DYM: variants seen among roughly 807,000 people sequenced by gnomAD.
The protein encoded by DYM is dymeclin.
DYM carries 78 observed loss-of-function variants against 93.1 expected under a neutral mutation model. That is an observed-to-expected ratio of 0.84 (90% CI 0.70 to 1.01). DYM has a LOEUF of 1.01. Among genes scored for constraint, DYM ranks in the 50% least tolerant of loss-of-function variants. DYM has a pLI of 0.00. For missense variants in DYM, 789 were observed against 845.0 expected, an observed-to-expected ratio of 0.93 and a Z score of 0.82; for synonymous variants, 321 against 319.7, an observed-to-expected ratio of 1.00 and a Z score of -0.04.
intron 14 of DYM, among the ~76,000 whole-genome samples, chr18:49,179,566 T>C (rs907641333): frequency 6.6e-6 from 1 of 152,152 alleles, no homozygotes; most frequent in African/African-American, 2.4e-5. Context: ...ATGATGATGA[T>C]GATGATGACA....
intron 5 of DYM, among the ~76,000 whole-genome samples, chr18:49,376,771 T>C (rs1402407424): frequency 1.3e-5 from 2 of 152,234 alleles, no homozygotes; most frequent in African/African-American, 2.4e-5. Flanking sequence ...GTTAAAATGT[T>C]AGAAGATGGT....
At chr18:49,053,851 C>A (rs925823656) in intron 17 of DYM, among the ~76,000 whole-genome samples, 1 of 152,112 alleles carries the variant, frequency 6.6e-6, no homozygotes, top group Non-Finnish European at 1.5e-5. Flanking sequence ...ATTTGCTTGG[C>A]TGTAGAGGAA....
intron 1 of DYM, among the ~76,000 whole-genome samples, chr18:49,441,261 ATTATATAATATATATTATATAATT>A (rs2081532902): frequency 2.7e-5 from 1 of 36,438 alleles, no homozygotes. Flanking sequence ...GTTATATATA[ATTATATAATATATATTATATAATT>A]ATATATAATA....
chr18:49,403,582 T>A (rs2071095136), intron 2 of DYM, among the ~76,000 whole-genome samples: 1 of 151,948 alleles, frequency 6.6e-6, no homozygotes, highest in Non-Finnish European at 1.5e-5. Context: ...AGGTTTTTTA[T>A]TTTTTTTAAA....
At chr18:49,369,257 A>T (rs946086034) in intron 5 of DYM, among the ~76,000 whole-genome samples, 1 of 152,208 alleles carries the variant, frequency 6.6e-6, no homozygotes, top group African/African-American at 2.4e-5. Context: ...CCCTCGTCTC[A>T]GTAGGCCACC....
chr18:49,355,043 C>T (rs1345048081), intron 6 of DYM, among the ~76,000 whole-genome samples: 1 of 149,340 alleles, frequency 6.7e-6, no homozygotes, highest in African/African-American at 2.5e-5. Flanking sequence ...TATGATATGA[C>T]AATGATAGAT....
intron 10 of DYM, among the ~76,000 whole-genome samples, chr18:49,274,607 T>C (rs1353166691): frequency 6.6e-6 from 1 of 152,152 alleles, no homozygotes; most frequent in Non-Finnish European, 1.5e-5. Context: ...CCACCAACAG[T>C]GTATGAGAGA....
At chr18:49,386,800 A>C (rs928222210) in intron 3 of DYM, among the ~76,000 whole-genome samples, 1 of 152,172 alleles carries the variant, frequency 6.6e-6, no homozygotes, top group Non-Finnish European at 1.5e-5. Flanking sequence ...TGCTTCAAAG[A>C]CATGGCATTT....
rs2070913599 is a variant in DYM at position 49,041,387 on chromosome 18, C to T, written c.*2668G>A. On this transcript the variant is annotated 3_prime_UTR_variant, in exon 18 of 18. Transcript: ENST00000675505. ...AGATGCCAATTTCCATCTGAACACACGATGATCCTGTGTTGCATCATTACA... is the reference window on the plus strand; with the variant it reads ...AGATGCCAATTTCCATCTGAACACATGATGATCCTGTGTTGCATCATTACA... 6.6e-6 allele frequency: 1 copy of T among 152,192 alleles called. No homozygotes were observed. Among genetic ancestry groups the T allele is most frequent in the Admixed American group, 6.5e-5 (1 of 15,282 alleles). The allele number at this position is 152,192 out of a possible 1,614,324, so 9.4% of individuals were successfully genotyped here.
At chr18:49,296,613 G>A (rs2060583682) in intron 8 of DYM, among the ~76,000 whole-genome samples, 1 of 152,156 alleles carries the variant, frequency 6.6e-6, no homozygotes. Flanking sequence ...GGGGGAAATA[G>A]TTCAGAGATC....
At chr18:49,437,796 G>A (rs2080991858) in intron 1 of DYM, among the ~76,000 whole-genome samples, 1 of 152,008 alleles carries the variant, frequency 6.6e-6, no homozygotes, top group South Asian at 2.1e-4. Context: ...ATTTTATTTT[G>A]CATCTCTCTT....
At chr18:49,436,893 T>C (rs1033051236) in intron 1 of DYM, among the ~76,000 whole-genome samples, 39 of 152,334 alleles carry the variant, frequency 2.6e-4, no homozygotes, top group African/African-American at 9.4e-4. Flanking sequence ...TTACTTTTTT[T>C]GTGTGGTAAC....
intron 14 of DYM, among the ~76,000 whole-genome samples, chr18:49,183,926 C>A (rs1162485241): frequency 6.6e-6 from 1 of 152,150 alleles, no homozygotes; most frequent in Non-Finnish European, 1.5e-5. Context: ...TAAGAAGAGG[C>A]CTTGTGAACA....
At position 49,298,180 on chromosome 18, in the gene DYM, C is replaced by T. The variant is rs141210351; in HGVS notation, c.764-11564G>A. Among the ~76,000 whole-genome samples, 221 of 152,188 alleles carry T rather than the reference C, an allele frequency of 1.5e-3. 1 individual carries two copies. The highest frequency in any genetic ancestry group is 4.9e-3 in the African/African-American group (205 of 41,520). ...CCCATCCTGTCTCCCAAAAGGAATG[C>T]TTTGACCATCTCAAGAAAGAAAAAA... On this transcript the variant is annotated intron_variant, in intron 8 of 17. Transcript: ENST00000675505.
At chr18:49,090,093 G>A (rs2078906583) in intron 17 of DYM, among the ~76,000 whole-genome samples, 1 of 152,180 alleles carries the variant, frequency 6.6e-6, no homozygotes, top group Non-Finnish European at 1.5e-5. Context: ...TAAGAATCAG[G>A]TATTACATTA....
At chr18:49,203,422 G>A (rs1433778653) in intron 14 of DYM, among the ~76,000 whole-genome samples, 3 of 146,134 alleles carry the variant, frequency 2.1e-5, no homozygotes, top group African/African-American at 7.9e-5. Context: ...GGCGGGAAAG[G>A]TGGGGAAAAG....
chr18:49,312,138 G>T (rs1334962155), intron 8 of DYM, among the ~76,000 whole-genome samples: 1 of 152,088 alleles, frequency 6.6e-6, no homozygotes, highest in Non-Finnish European at 1.5e-5. Flanking sequence ...GGGTATATTG[G>T]GATTGGGGGA....
At chr18:49,050,746 C>T (rs1599362810) in intron 17 of DYM, among the ~76,000 whole-genome samples, 1 of 152,182 alleles carries the variant, frequency 6.6e-6, no homozygotes, top group South Asian at 2.1e-4. Flanking sequence ...TGGCCTCTCT[C>T]GGCTCACTGG....
At chr18:49,076,007 C>G (rs1467965110) in intron 17 of DYM, among the ~76,000 whole-genome samples, 2 of 152,172 alleles carry the variant, frequency 1.3e-5, no homozygotes, top group Non-Finnish European at 2.9e-5. Context: ...AGGGCAATGT[C>G]AGAAATGTGT....
Sources: allele counts gnomAD v4.1 joint callset (sites outside exome capture counted in the v4.1 genomes callset), GRCh38; gene constraint gnomAD v4.1.1; transcripts MANE v1.5; gene names NCBI Gene and HGNC (gene_info 2026-07-23, HGNC 2026-07-21).